Variants in CCDC148 observed in about 807,000 individuals in gnomAD.
The protein encoded by CCDC148 is coiled-coil domain containing 148.
A neutral mutation model predicts 85.7 loss-of-function variants in CCDC148; 89 were observed. That is an observed-to-expected ratio of 1.04 (90% CI 0.87 to 1.24). The LOEUF (loss-of-function observed/expected upper bound fraction) is 1.24. CCDC148 is among the 50% of genes most tolerant of loss of function. The probability of loss-of-function intolerance (pLI) is 0.00; values close to 1 mark genes in which losing one functional copy is unlikely to be tolerated. For synonymous variants in CCDC148, 230 were observed against 213.9 expected, an observed-to-expected ratio of 1.08 and a Z score of -0.66; for missense variants, 692 against 671.7, an observed-to-expected ratio of 1.03 and a Z score of -0.33.
chr2:158,421,567 C>T (rs1211017968), intron 1 of CCDC148, among the ~76,000 whole-genome samples: 12 of 151,948 alleles, frequency 7.9e-5, no homozygotes, highest in African/African-American at 2.4e-4. Flanking sequence ...CATACCACCA[C>T]CTCTGGGACA....
intron 9 of CCDC148, among the ~76,000 whole-genome samples, chr2:158,289,673 G>T (rs1351982419): frequency 6.6e-6 from 1 of 152,186 alleles, no homozygotes; most frequent in East Asian, 1.9e-4. Context: ...AAATGCAGTG[G>T]TACCTTGCCA....
intron 7 of CCDC148, among the ~76,000 whole-genome samples, chr2:158,314,825 T>C (rs1031926543): frequency 1.3e-5 from 2 of 152,218 alleles, no homozygotes; most frequent in African/African-American, 4.8e-5. Context: ...TTCTACTATA[T>C]CAATGGTCTT....
At chr2:158,380,565 C>A (rs2105287716) in intron 1 of CCDC148, among the ~76,000 whole-genome samples, 1 of 152,228 alleles carries the variant, frequency 6.6e-6, no homozygotes, top group African/African-American at 2.4e-5. Flanking sequence ...TTGATTTATA[C>A]AATCTCAACT....
At chr2:158,398,971 A>C (rs968481260) in intron 1 of CCDC148, among the ~76,000 whole-genome samples, 1 of 152,192 alleles carries the variant, frequency 6.6e-6, no homozygotes, top group Non-Finnish European at 1.5e-5. Context: ...AGAAATACAA[A>C]CTACCATCAG....
intron 9 of CCDC148, among the ~76,000 whole-genome samples, chr2:158,255,040 C>G (rs1688954564): frequency 6.7e-6 from 1 of 148,488 alleles, no homozygotes; most frequent in African/African-American, 2.5e-5. Flanking sequence ...GATGTACACA[C>G]CAGAAAATCC....
chr2:158,203,959 T>TA (rs753180023), intron 11 of CCDC148, among the ~76,000 whole-genome samples: 14 of 152,316 alleles, frequency 9.2e-5, no homozygotes, highest in Admixed American at 6.5e-4. Context: ...CAAACATAAA[T>TA]AACCAAGAGA....
intron 9 of CCDC148, among the ~76,000 whole-genome samples, chr2:158,308,581 G>T (rs912415529): frequency 6.6e-6 from 1 of 152,180 alleles, no homozygotes; most frequent in African/African-American, 2.4e-5. Flanking sequence ...TTTTCTATCA[G>T]GAGAATAAAA....
chr2:158,378,564 G>C (rs78760560), intron 1 of CCDC148, among the ~76,000 whole-genome samples: 1 of 152,092 alleles, frequency 6.6e-6, no homozygotes, highest in African/African-American at 2.4e-5. Flanking sequence ...ATGCCATCTA[G>C]GACTTTCATA....
At chr2:158,212,396 CA>C (rs1235174247) in intron 11 of CCDC148, among the ~76,000 whole-genome samples, 2 of 152,144 alleles carry the variant, frequency 1.3e-5, no homozygotes, top group African/African-American at 4.8e-5. Context: ...TAATGCCTTC[CA>C]ATACAACATG....
chr2:158,439,791 A>G (rs2105341450), intron 1 of CCDC148, among the ~76,000 whole-genome samples: 1 of 152,334 alleles, frequency 6.6e-6, no homozygotes, highest in South Asian at 2.1e-4. Context: ...ATCCTTAGTC[A>G]TCAGGAAAAT....
intron 2 of CCDC148, among the ~76,000 whole-genome samples, chr2:158,349,708 ATG>A (rs1292552954): frequency 6.6e-6 from 1 of 152,080 alleles, no homozygotes; most frequent in African/African-American, 2.4e-5. Flanking sequence ...CCAAAAAATA[ATG>A]TACAGCAATA....
At chr2:158,234,682 A>G (rs1268800505) in intron 10 of CCDC148, among the ~76,000 whole-genome samples, 1 of 152,182 alleles carries the variant, frequency 6.6e-6, no homozygotes, top group African/African-American at 2.4e-5. Context: ...CACTATTCTG[A>G]TGTAACACTA....
intron 9 of CCDC148, among the ~76,000 whole-genome samples, chr2:158,277,995 G>C (rs1419747287): frequency 2.6e-5 from 4 of 152,162 alleles, no homozygotes; most frequent in African/African-American, 4.8e-5. Flanking sequence ...TAGCACCTGT[G>C]GTTCTAGCCA....
chr2:158,365,865 T>G, intron 1 of CCDC148: 1 of 582,944 alleles, frequency 1.7e-6, no homozygotes. Flanking sequence ...ACAAACCCAT[T>G]GTAAAGAACT....
intron 1 of CCDC148, among the ~76,000 whole-genome samples, chr2:158,402,363 A>T (rs537262749): frequency 5.9e-5 from 9 of 151,838 alleles, no homozygotes; most frequent in Non-Finnish European, 1.0e-4. Flanking sequence ...TTATATGATT[A>T]AGGAAGTTTG....
intron 1 of CCDC148, among the ~76,000 whole-genome samples, chr2:158,439,171 G>T (rs539248153): frequency 6.6e-6 from 1 of 152,284 alleles, no homozygotes; most frequent in African/African-American, 2.4e-5. Context: ...AAAGACACAT[G>T]CACGTGTATG....
intron 1 of CCDC148, among the ~76,000 whole-genome samples, chr2:158,448,724 T>C (rs557225089): frequency 6.6e-6 from 1 of 152,316 alleles, no homozygotes; most frequent in African/African-American, 2.4e-5. Flanking sequence ...ATTTAATCTA[T>C]AGATTAGAGG....
chr2:158,223,916 T>C (rs1687342925), intron 10 of CCDC148, among the ~76,000 whole-genome samples: 1 of 152,182 alleles, frequency 6.6e-6, no homozygotes, highest in Non-Finnish European at 1.5e-5. Flanking sequence ...AGAGTGCCTC[T>C]CCTTCTCCAA....
intron 1 of CCDC148, among the ~76,000 whole-genome samples, chr2:158,398,510 C>T (rs1685630018): frequency 6.6e-6 from 1 of 152,106 alleles, no homozygotes; most frequent in Admixed American, 6.6e-5. Context: ...AACTGAACAA[C>T]CTGTTCCTGA....
Sources: gnomAD v4.1 joint callset for allele counts (sites outside exome capture counted in the v4.1 genomes callset) on GRCh38, gnomAD v4.1.1 for gene constraint, MANE v1.5 for transcripts, NCBI Gene and HGNC (gene_info 2026-07-23, HGNC 2026-07-21) for gene names.